Variants in MECOM observed in about 807,000 individuals in gnomAD.
The protein encoded by MECOM is MDS1 and EVI1 complex locus.
Under a neutral mutation model 116.3 loss-of-function variants are expected in MECOM, and 13 were observed. That is an observed-to-expected ratio of 0.11 (90% CI 0.07 to 0.18). The LOEUF (loss-of-function observed/expected upper bound fraction) is 0.18. Ranked by LOEUF, MECOM falls within the 10% of genes least tolerant of loss-of-function variation. The probability of loss-of-function intolerance (pLI) is 1.00; values close to 1 mark genes in which losing one functional copy is unlikely to be tolerated. For missense variants in MECOM, 1,299 were observed against 1,509.0 expected, an observed-to-expected ratio of 0.86 and a Z score of 2.31; for synonymous variants, 528 against 535.2, an observed-to-expected ratio of 0.99 and a Z score of 0.19.
intron 2 of MECOM, among the ~76,000 whole-genome samples, chr3:169,151,179 A>C (rs968877742): frequency 6.6e-6 from 1 of 152,214 alleles, no homozygotes. Flanking sequence ...ACATTCCAGC[A>C]CATCATTAAA....
intron 5 of MECOM, among the ~76,000 whole-genome samples, chr3:169,126,478 G>T (rs1254320680): frequency 2.6e-5 from 4 of 151,868 alleles, no homozygotes. Flanking sequence ...TATATTAAAG[G>T]GACATGCTGT....
rs574815912 is a variant in MECOM at position 169,478,995 on chromosome 3, T to C, written c.38-97471A>G. Reference sequence around the variant, plus strand: ...ATTTATTCACCAAAATATTTGTTGATCACCTATTATGTACCAGGCATAGAA... The same window carrying C: ...ATTTATTCACCAAAATATTTGTTGACCACCTATTATGTACCAGGCATAGAA... On this transcript the variant is annotated intron_variant, in intron 1 of 16. Coordinates refer to ENST00000651503, the MANE Select transcript of MECOM (RefSeq NM_004991.4). 9.0e-4 allele frequency among the ~76,000 whole-genome samples: 137 copies of C among 152,286 alleles called. 1 individual carries two copies. Among genetic ancestry groups the C allele is most frequent in the African/African-American group, 3.1e-3 (130 of 41,564 alleles).
At chr3:169,279,445 G>A (rs1267985163) in intron 2 of MECOM, among the ~76,000 whole-genome samples, 1 of 152,148 alleles carries the variant, frequency 6.6e-6, no homozygotes, top group African/African-American at 2.4e-5. Context: ...TACAAATGAG[G>A]GGAGGAAAAG....
intron 1 of MECOM, among the ~76,000 whole-genome samples, chr3:169,653,232 T>TC (rs1178082511): frequency 6.6e-6 from 1 of 152,168 alleles, no homozygotes; most frequent in Non-Finnish European, 1.5e-5. Context: ...TTGAAGGGGT[T>TC]CACATAATCC....
intron 1 of MECOM, among the ~76,000 whole-genome samples, chr3:169,662,874 C>T (rs1484934603): frequency 1.3e-5 from 2 of 151,712 alleles, no homozygotes; most frequent in Admixed American, 6.5e-5. Flanking sequence ...CTCCTGCCGG[C>T]CCCCCATCCC....
chr3:169,161,067 A>G (rs1742771597), intron 2 of MECOM, among the ~76,000 whole-genome samples: 1 of 152,220 alleles, frequency 6.6e-6, no homozygotes, highest in African/African-American at 2.4e-5. Flanking sequence ...TTGCTCCACA[A>G]GTATTTATGA....
chr3:169,663,448 C>A lies in MECOM; in HGVS notation c.-76G>T. On this transcript the variant is annotated 5_prime_UTR_variant, in exon 1 of 17. Transcript: ENST00000651503. ...TGGATCCTTTCCTTCTTTTGCTCTC[C>A]CTCTCGCTCCCTCCCTCTCTCTCCT... is the stretch of plus-strand genomic sequence containing the variant. 2 of 1,303,520 alleles carry A rather than the reference C, an allele frequency of 1.5e-6. No homozygotes were observed. The highest frequency in any genetic ancestry group is 2.1e-6 in the Non-Finnish European group (2 of 948,348). 80.7% of individuals were successfully genotyped at this position (1,303,520 alleles called of 1,614,324 possible).
At chr3:169,300,340 C>A (rs1716472093) in intron 2 of MECOM, among the ~76,000 whole-genome samples, 1 of 152,016 alleles carries the variant, frequency 6.6e-6, no homozygotes. Context: ...TAAGAAGAAA[C>A]CTTAGAATCT....
intron 2 of MECOM, among the ~76,000 whole-genome samples, chr3:169,199,062 C>T (rs1748818189): frequency 6.6e-6 from 1 of 152,010 alleles, no homozygotes; most frequent in Non-Finnish European, 1.5e-5. Context: ...CCCAATGTCA[C>T]CTCTACTGGC....
At chr3:169,549,523 C>T (rs1560420558) in intron 1 of MECOM, among the ~76,000 whole-genome samples, 2 of 152,024 alleles carry the variant, frequency 1.3e-5, no homozygotes, top group South Asian at 2.1e-4. Context: ...AGCTTTGAAA[C>T]CCTAGTCATG....
chr3:169,102,977 A>G (rs1050850584), intron 10 of MECOM, among the ~76,000 whole-genome samples: 1 of 151,738 alleles, frequency 6.6e-6, no homozygotes, highest in Admixed American at 6.6e-5. Context: ...TTCGAGAAAC[A>G]TTCTTGAAAG....
intron 1 of MECOM, among the ~76,000 whole-genome samples, chr3:169,590,492 G>A (rs1297709700): frequency 6.6e-6 from 1 of 152,164 alleles, no homozygotes; most frequent in East Asian, 1.9e-4. Flanking sequence ...AATTTGTTAA[G>A]ACTAGAAATG....
intron 1 of MECOM, among the ~76,000 whole-genome samples, chr3:169,524,838 G>A (rs900225048): frequency 2.0e-5 from 3 of 152,034 alleles, no homozygotes; most frequent in Non-Finnish European, 2.9e-5. Context: ...TACTGTCAGA[G>A]AATTAAAAAA....
intron 1 of MECOM, among the ~76,000 whole-genome samples, chr3:169,571,097 A>T (rs1423978769): frequency 6.6e-6 from 1 of 152,126 alleles, no homozygotes; most frequent in African/African-American, 2.4e-5. Context: ...AAACCCCTTC[A>T]TCTCAGCCCA....
chr3:169,265,365 T>A (rs1435360164), intron 2 of MECOM, among the ~76,000 whole-genome samples: 1 of 152,212 alleles, frequency 6.6e-6, no homozygotes, highest in Admixed American at 6.5e-5. Context: ...AGAAACTCCA[T>A]TACTTGAAAA....
At chr3:169,591,540 A>G (rs756134114) in intron 1 of MECOM, among the ~76,000 whole-genome samples, 8 of 152,170 alleles carry the variant, frequency 5.3e-5, no homozygotes, top group Non-Finnish European at 1.0e-4. Context: ...ACACCCACAT[A>G]CTTGTAAGAC....
Position 169,344,645 on chromosome 3 carries a change from A to G in MECOM, c.375+36542T>C, listed in dbSNP as rs150772891. 2.6e-5 allele frequency among the ~76,000 whole-genome samples: 4 copies of G among 152,332 alleles called. No homozygotes were observed. In the East Asian group the frequency reaches 7.7e-4, roughly 29 times the overall value. Reference sequence around the variant, plus strand: ...TCAAAGGAACCTTTTATAGTTATGCAATCATTATCATCTGAAACTACTGAC... The same window carrying G: ...TCAAAGGAACCTTTTATAGTTATGCGATCATTATCATCTGAAACTACTGAC... On this transcript the variant is annotated intron_variant, in intron 2 of 16. Coordinates refer to ENST00000651503, the MANE Select transcript of MECOM (RefSeq NM_004991.4).
chr3:169,625,968 C>T (rs1007777072), intron 1 of MECOM, among the ~76,000 whole-genome samples: 2 of 152,216 alleles, frequency 1.3e-5, no homozygotes, highest in Admixed American at 6.5e-5. Context: ...GAAAATACAG[C>T]ATAAGCTATT....
At chr3:169,459,335 T>C (rs1160581278) in intron 1 of MECOM, among the ~76,000 whole-genome samples, 1 of 152,232 alleles carries the variant, frequency 6.6e-6, no homozygotes, top group Non-Finnish European at 1.5e-5. Flanking sequence ...CAATATTATT[T>C]ACCCACTCCA....
Sources: allele counts gnomAD v4.1 joint callset (sites outside exome capture counted in the v4.1 genomes callset), GRCh38; gene constraint gnomAD v4.1.1; transcripts MANE v1.5; gene names NCBI Gene and HGNC (gene_info 2026-07-23, HGNC 2026-07-21).